PIWIL1: variants seen among roughly 807,000 people sequenced by gnomAD.
PIWIL1 encodes the protein piwi like RNA-mediated gene silencing 1.
In PIWIL1, 73 loss-of-function variants were observed where a neutral mutation model predicts 114.4. The observed-to-expected ratio is 0.64, with a 90% confidence interval of 0.53 to 0.78. The LOEUF (loss-of-function observed/expected upper bound fraction) is 0.78. PIWIL1 is among the 30% of genes least tolerant of loss of function. The probability of loss-of-function intolerance (pLI) is 0.00; values close to 1 mark genes in which losing one functional copy is unlikely to be tolerated. For missense variants in PIWIL1, 723 were observed against 1,063.1 expected (o/e 0.68, Z 4.45); for synonymous variants, 375 against 369.0 (o/e 1.02, Z -0.19).
chr12:130,389,915 T>C, the PIWIL1 span, among the ~76,000 whole-genome samples: 1 of 152,234 alleles, frequency 6.6e-6, no homozygotes, highest in African/African-American at 2.4e-5. Context: ...TCTCTCTCTA[T>C]AGCTGATACA....
At chr12:130,349,718 C>A in intron 8 of PIWIL1, 138 bp from the exon 9 acceptor site, 1 of 604,282 alleles carries the variant, frequency 1.7e-6, no homozygotes, top group Non-Finnish European at 2.9e-6. Context: ...CTGTAAGAAA[C>A]CCTGTTCCTT....
chr12:130,367,888 C>T (rs1222609777), intron 19 of PIWIL1, among the ~76,000 whole-genome samples: 1 of 152,166 alleles, frequency 6.6e-6, no homozygotes, highest in Non-Finnish European at 1.5e-5. Flanking sequence ...ACCTCTGCCT[C>T]CTGCGTTCAA....
At chr12:130,374,906 A>G (rs1275001401), downstream of PIWIL1, among the ~76,000 whole-genome samples, 1 of 151,892 alleles carries the variant, frequency 6.6e-6, no homozygotes, top group Non-Finnish European at 1.5e-5. Context: ...CCCTTTAACA[A>G]ACTCGGCTTT....
the PIWIL1 span, chr12:130,414,422 T>C: frequency 2.0e-6 from 2 of 1,021,926 alleles, no homozygotes; most frequent in Non-Finnish European, 2.8e-6. Flanking sequence ...ACTTTTGTCT[T>C]TTTTGTGTCT....
downstream of PIWIL1, among the ~76,000 whole-genome samples, chr12:130,374,948 T>C (rs1348775795): frequency 6.6e-6 from 1 of 152,118 alleles, no homozygotes; most frequent in African/African-American, 2.4e-5. Flanking sequence ...TGCTGTTGTC[T>C]CTCCTACACT....
chr12:130,407,683 G>A, the PIWIL1 span: 1 of 1,450,306 alleles, frequency 6.9e-7, no homozygotes, highest in Non-Finnish European at 9.7e-7. Flanking sequence ...GGAAGGGAAG[G>A]GTGTGGTTGT....
the PIWIL1 span, among the ~76,000 whole-genome samples, chr12:130,381,820 T>C: frequency 3.3e-5 from 5 of 152,214 alleles, no homozygotes; most frequent in African/African-American, 1.2e-4. Context: ...CGTTTGCTAT[T>C]GTCATTGTGG....
intron 19 of PIWIL1, among the ~76,000 whole-genome samples, chr12:130,369,144 G>C (rs11060847): frequency 1.3e-5 from 2 of 151,966 alleles, no homozygotes; most frequent in Non-Finnish European, 2.9e-5. Flanking sequence ...GAGAACATGC[G>C]GTGTTAAGTT....
At chr12:130,411,661 C>T in the PIWIL1 span, among the ~76,000 whole-genome samples, 1 of 152,140 alleles carries the variant, frequency 6.6e-6, no homozygotes, top group Non-Finnish European at 1.5e-5. Flanking sequence ...TTGAAAGAGT[C>T]TTAGTCAACT....
At chr12:130,379,338 A>G in the PIWIL1 span, among the ~76,000 whole-genome samples, 2 of 152,250 alleles carry the variant, frequency 1.3e-5, no homozygotes, top group African/African-American at 2.4e-5. Context: ...TTGAAATTCA[A>G]ACCACATTGA....
the PIWIL1 span, among the ~76,000 whole-genome samples, chr12:130,400,348 A>T: frequency 2.0e-5 from 3 of 152,198 alleles, no homozygotes; most frequent in African/African-American, 7.2e-5. Context: ...AACAATATGG[A>T]GAAAATGAAA....
At chr12:130,357,596 C>A in intron 14 of PIWIL1, 43 bp downstream of exon 14, 1 of 1,341,978 alleles carries the variant, frequency 7.5e-7, no homozygotes, top group Non-Finnish European at 1.1e-6. Context: ...GGTGAAAGAG[C>A]TTTTTCAAAG....
chr12:130,420,597 T>A, the PIWIL1 span, among the ~76,000 whole-genome samples: 4 of 151,326 alleles, frequency 2.6e-5, no homozygotes, highest in East Asian at 1.9e-4. This position sits in a 1 kb window ranked among gnomAD's most constrained non-coding sequence, Gnocchi z 4.3. Flanking sequence ...AATGCAGTTT[T>A]AAAAAAAAAG....
the PIWIL1 span, among the ~76,000 whole-genome samples, chr12:130,386,011 G>A: frequency 1.8e-4 from 27 of 152,270 alleles, no homozygotes; most frequent in African/African-American, 6.0e-4. Flanking sequence ...CTTGCTGCAT[G>A]TTCTTCTGAA....
chr12:130,354,701 G>A (rs752827820), intron 10 of PIWIL1, 38 bp downstream of exon 10: 1 of 1,541,522 alleles, frequency 6.5e-7, no homozygotes, highest in East Asian at 2.3e-5. Flanking sequence ...GGAAGCCACT[G>A]GATTTACCCT....
intron 3 of PIWIL1, among the ~76,000 whole-genome samples, chr12:130,344,211 A>G (rs2073006556): frequency 6.6e-6 from 1 of 152,204 alleles, no homozygotes; most frequent in Non-Finnish European, 1.5e-5. Flanking sequence ...AAAATTTTTA[A>G]GGAAAAATAT....
intron 3 of PIWIL1, among the ~76,000 whole-genome samples, chr12:130,343,419 C>T (rs1486343445): frequency 6.6e-6 from 1 of 152,134 alleles, no homozygotes; most frequent in Non-Finnish European, 1.5e-5. Context: ...ACCATTAATA[C>T]ATGGGATAAC....
At chr12:130,371,344 A>G in intron 20 of PIWIL1, 21 bp downstream of exon 20, 2 of 1,613,882 alleles carry the variant, frequency 1.2e-6, no homozygotes, top group Non-Finnish European at 1.7e-6. Context: ...CTACTTGTTG[A>G]TGTTTAGCAA....
At chr12:130,424,088 AT>A in the PIWIL1 span, 23 of 951,160 alleles carry the variant, frequency 2.4e-5, no homozygotes, top group East Asian at 7.2e-4. The surrounding 1 kb of genome is among the most constrained non-coding windows in gnomAD (Gnocchi z 9.8). Flanking sequence ...CAGTGAAAGG[AT>A]GGGACAGATT....
Sources: allele counts gnomAD v4.1 joint callset (sites outside exome capture counted in the v4.1 genomes callset), GRCh38; gene constraint gnomAD v4.1.1; non-coding constraint Gnocchi (gnomAD v3.1); transcripts MANE v1.5; gene names NCBI Gene and HGNC (gene_info 2026-07-23, HGNC 2026-07-21).